Variants in DST observed in about 807,000 individuals in gnomAD.
DST encodes the protein dystonin.
In DST, 253 loss-of-function variants were observed where a neutral mutation model predicts 875.2. The ratio of observed to expected loss-of-function variants is 0.29; its 90% CI spans 0.26 to 0.32. The LOEUF (loss-of-function observed/expected upper bound fraction) is 0.32. Among genes scored for constraint, DST ranks in the 10% least tolerant of loss-of-function variants. The pLI is 1.00. For missense variants in DST, 8,287 were observed against 9,111.6 expected (o/e 0.91, Z 3.68); for synonymous variants, 3,124 against 3,197.1 (o/e 0.98, Z 0.77).
intron 77 of DST, among the ~76,000 whole-genome samples, chr6:56,504,852 T>C (rs948811724): frequency 2.0e-5 from 3 of 151,910 alleles, no homozygotes; most frequent in African/African-American, 7.3e-5. Flanking sequence ...CATGCCACCA[T>C]GGCTGGCTAA....
At position 56,560,486 on chromosome 6, in the gene DST, A is replaced by G. The variant is rs2067543; in HGVS notation, c.14311-63T>C. ...CAAAAGACAAAAATACAATAATGAT[A>G]GAGCATTATTTTTCTCTAGAATAAT... On this transcript the variant is annotated intron_variant, in intron 57 of 103. Coordinates refer to ENST00000680361, the MANE Select transcript of DST (RefSeq NM_001374736.1). The G allele has an allele frequency of 0.41, 595,016 of 1,459,204 alleles. 123,142 individuals carry two copies. Among genetic ancestry groups the G allele is most frequent in the Admixed American group, 0.42 (19,806 of 46,704 alleles). 90.4% of individuals were successfully genotyped at this position (1,459,204 alleles called of 1,614,324 possible).
intron 4 of DST, among the ~76,000 whole-genome samples, chr6:56,829,602 AAAT>A (rs2099784745): frequency 1.3e-5 from 2 of 152,202 alleles, no homozygotes; most frequent in Non-Finnish European, 2.9e-5. Context: ...ATCATTTCCA[AAAT>A]AATAAATGAG....
chr6:56,887,202 T>TA (rs1785043019), intron 3 of DST, among the ~76,000 whole-genome samples: 1 of 152,206 alleles, frequency 6.6e-6, no homozygotes, highest in Admixed American at 6.5e-5. Flanking sequence ...CAAAAACTGT[T>TA]AAGTCAGATG....
chr6:56,610,574 G>T lies in DST; in HGVS notation c.5148-12C>A. The T allele has an allele frequency of 6.4e-7, 1 of 1,566,412 alleles. No homozygotes were observed. ...CTTCATCTGTCATTCTAAATAACCA[G>T]AAATGATAAAAAGACTAATGCAAGT... On this transcript the variant is annotated splice_polypyrimidine_tract_variant and intron_variant, in intron 38 of 103. Transcript: ENST00000680361.
chr6:56,742,971 G>C (rs1187970952), intron 4 of DST, among the ~76,000 whole-genome samples: 1 of 152,156 alleles, frequency 6.6e-6, no homozygotes, highest in Non-Finnish European at 1.5e-5. Flanking sequence ...AAGTTGTAGA[G>C]ATTAACAATC....
intron 55 of DST, among the ~76,000 whole-genome samples, chr6:56,565,362 G>A (rs985427204): frequency 2.6e-5 from 4 of 151,892 alleles, no homozygotes; most frequent in South Asian, 2.1e-4. Flanking sequence ...CTTGTGATCC[G>A]CTCGCCTTGG....
intron 95 of DST, 150 bp downstream of exon 95, chr6:56,470,955 CA>C: frequency 3.8e-6 from 3 of 791,620 alleles, no homozygotes; most frequent in South Asian, 2.0e-5. Context: ...CAAATTTTAC[CA>C]AAAAAACATT....
At chr6:56,516,157 G>A (rs55655322) in intron 71 of DST, among the ~76,000 whole-genome samples, 2 of 67,764 alleles carry the variant, frequency 3.0e-5, no homozygotes, top group Non-Finnish European at 7.3e-5. Flanking sequence ...GAAAGAGAAA[G>A]AGAGAAAGAG....
At chr6:56,621,865 T>C (rs1164478489) in intron 36 of DST, among the ~76,000 whole-genome samples, 1 of 152,226 alleles carries the variant, frequency 6.6e-6, no homozygotes, top group Non-Finnish European at 1.5e-5. Context: ...ATTTAATTTC[T>C]ATTACAGACC....
chr6:56,741,540 C>A (rs2152938000), intron 4 of DST, among the ~76,000 whole-genome samples: 1 of 152,314 alleles, frequency 6.6e-6, no homozygotes, highest in Non-Finnish European at 1.5e-5. Flanking sequence ...CTTCAACTTT[C>A]TTCAAGAGAG....
intron 3 of DST, among the ~76,000 whole-genome samples, chr6:56,889,779 C>T (rs772771725): frequency 2.0e-5 from 3 of 152,150 alleles, no homozygotes; most frequent in Non-Finnish European, 4.4e-5. Context: ...TGTACATTAA[C>T]AGGTTCATGT....
chr6:56,851,924 G>A (rs1425969909), intron 3 of DST: 66 of 1,535,026 alleles, frequency 4.3e-5, no homozygotes, highest in Non-Finnish European at 5.8e-5. Context: ...AATGAAGCCA[G>A]AATCAACAGC....
In DST at chr6:56,515,496, G is replaced by A; in HGVS notation, c.18530C>T (p.Pro6177Leu). The change falls in exon 72 of 104, where the codon CCA becomes CTA. Residue 6177 changes from proline (P) to leucine (L), a missense_variant. Physicochemically the swap from Pro to Leu is moderately conservative, Grantham distance 98 (BLOSUM62 -3). Transcript: ENST00000680361. ...TQSIISQLPA[P>L]ALEYETLRQQ... ...CCTTAGAGTTTCATATTCAAGGGCT[G>A]GGGCGGGAAGCTGAGAGATGATTGA... is the stretch of plus-strand genomic sequence containing the variant. The A allele has an allele frequency of 6.2e-7, 1 of 1,613,896 alleles. No homozygotes were observed. The highest frequency in any genetic ancestry group is 8.5e-7 in the Non-Finnish European group (1 of 1,179,826).
At chr6:56,816,073 G>A (rs552058402) in intron 4 of DST, among the ~76,000 whole-genome samples, 12 of 152,092 alleles carry the variant, frequency 7.9e-5, no homozygotes, top group South Asian at 2.1e-4. Flanking sequence ...ATAAATGTCC[G>A]TACAAAGCAT....
At chr6:56,702,980 A>C (rs1193190029) in intron 7 of DST, among the ~76,000 whole-genome samples, 1 of 152,186 alleles carries the variant, frequency 6.6e-6, no homozygotes, top group Non-Finnish European at 1.5e-5. Flanking sequence ...ACAAAAGCAC[A>C]ATTTCCAGTA....
Position 56,493,300 on chromosome 6 carries a change from C to G in DST, c.20395-211G>C, listed in dbSNP as rs77818082. 9.7e-3 allele frequency among the ~76,000 whole-genome samples: 1,474 copies of G among 152,092 alleles called. 25 individuals carry two copies. The highest frequency in any genetic ancestry group is 0.034 in the African/African-American group (1,409 of 41,490). ...TTTAAGCCTAGTAAGCAGCATCTCACTGTAACTAAAAAAAAATTAATATAC... is the reference window on the plus strand; with the variant it reads ...TTTAAGCCTAGTAAGCAGCATCTCAGTGTAACTAAAAAAAAATTAATATAC... On this transcript the variant is annotated intron_variant, in intron 83 of 103. Transcript: ENST00000680361.
chr6:56,696,826 C>T (rs1203431588), intron 9 of DST, among the ~76,000 whole-genome samples: 2 of 152,150 alleles, frequency 1.3e-5, no homozygotes, highest in Non-Finnish European at 2.9e-5. Flanking sequence ...TCCATCTCTC[C>T]AAATGCTCCT....
intron 2 of DST, among the ~76,000 whole-genome samples, chr6:56,936,661 C>T (rs1813161529): frequency 1.3e-5 from 2 of 151,910 alleles, no homozygotes; most frequent in African/African-American, 4.8e-5. Flanking sequence ...GATGCAAGTG[C>T]GGTCACAGAA....
intron 2 of DST, among the ~76,000 whole-genome samples, chr6:56,908,098 TACACACAC>T (rs66523804): frequency 6.6e-6 from 1 of 150,498 alleles, no homozygotes; most frequent in African/African-American, 2.4e-5. Context: ...TATATATATA[TACACACAC>T]ACACACACAC....
Sources: allele counts gnomAD v4.1 joint callset (sites outside exome capture counted in the v4.1 genomes callset), GRCh38; gene constraint gnomAD v4.1.1; transcripts MANE v1.5; gene names NCBI Gene and HGNC (gene_info 2026-07-23, HGNC 2026-07-21).